The following ENTREP2 variants were observed in gnomAD, a reference collection of about 807,000 sequenced individuals.
The protein encoded by ENTREP2 is protein ENTREP2.
At chr15:29,338,669 C>T in the ENTREP2 span, among the ~76,000 whole-genome samples, 1 of 152,064 alleles carries the variant, frequency 6.6e-6, no homozygotes, top group East Asian at 1.9e-4. Flanking sequence ...TTTCCACCCA[C>T]TCCCTCCTCC....
chr15:29,586,233 A>C, the ENTREP2 span, among the ~76,000 whole-genome samples: 5 of 152,302 alleles, frequency 3.3e-5, no homozygotes, highest in East Asian at 9.7e-4. Context: ...CCACGATTCT[A>C]TTGGTATGAA....
the ENTREP2 span, among the ~76,000 whole-genome samples, chr15:29,127,081 G>C: frequency 0.03 from 4,636 of 152,272 alleles, 108 homozygotes; most frequent in Non-Finnish European, 0.049. Context: ...CTGGCGCTGG[G>C]CCCAGCCACC....
chr15:29,180,351 T>C, the ENTREP2 span, among the ~76,000 whole-genome samples: 1 of 152,182 alleles, frequency 6.6e-6, no homozygotes, highest in Non-Finnish European at 1.5e-5. Context: ...CTGACTACAG[T>C]ACAATTAAAT....
At chr15:29,618,888 G>A in the ENTREP2 span, among the ~76,000 whole-genome samples, 2 of 152,270 alleles carry the variant, frequency 1.3e-5, no homozygotes, top group South Asian at 2.1e-4. Flanking sequence ...CACAGAAGAC[G>A]CTAAGACAAC....
chr15:29,424,459 C>T, the ENTREP2 span, among the ~76,000 whole-genome samples: 164 of 152,288 alleles, frequency 1.1e-3, 1 homozygote, highest in African/African-American at 3.7e-3. Flanking sequence ...TTCTCCAAAT[C>T]CCCACCTGAC....
the ENTREP2 span, among the ~76,000 whole-genome samples, chr15:29,498,214 C>T: frequency 6.6e-6 from 1 of 152,078 alleles, no homozygotes; most frequent in African/African-American, 2.4e-5. Context: ...TGAGGCCTCC[C>T]CAGCCATGTG....
the ENTREP2 span, among the ~76,000 whole-genome samples, chr15:29,246,561 A>T: frequency 6.6e-6 from 1 of 151,800 alleles, no homozygotes; most frequent in Admixed American, 6.6e-5. Flanking sequence ...GTATCTGGGC[A>T]TGGTGGCGGG....
At chr15:29,651,653 C>T in the ENTREP2 span, among the ~76,000 whole-genome samples, 1 of 152,236 alleles carries the variant, frequency 6.6e-6, no homozygotes, top group Non-Finnish European at 1.5e-5. Flanking sequence ...AGCACCCTCT[C>T]TGATCTTGAA....
chr15:29,166,704 G>A, the ENTREP2 span, among the ~76,000 whole-genome samples: 4 of 152,108 alleles, frequency 2.6e-5, no homozygotes, highest in Non-Finnish European at 4.4e-5. Context: ...TCCCAGGCTC[G>A]TGAATGGGTA....
the ENTREP2 span, among the ~76,000 whole-genome samples, chr15:29,490,269 T>G: frequency 1.3e-5 from 2 of 152,160 alleles, no homozygotes; most frequent in Non-Finnish European, 2.9e-5. Flanking sequence ...CTCTCTGGCC[T>G]CAGAAGCAAA....
the ENTREP2 span, among the ~76,000 whole-genome samples, chr15:29,340,090 T>G: frequency 3.9e-5 from 6 of 152,232 alleles, no homozygotes; most frequent in Non-Finnish European, 7.3e-5. Flanking sequence ...TGCTTCCAAG[T>G]TGCTGCAAGA....
the ENTREP2 span, among the ~76,000 whole-genome samples, chr15:29,394,503 A>G: frequency 6.6e-6 from 1 of 152,222 alleles, no homozygotes; most frequent in African/African-American, 2.4e-5. Flanking sequence ...AACAGAATAT[A>G]ATGTCCAGAA....
chr15:29,668,498 G>A, the ENTREP2 span, among the ~76,000 whole-genome samples: 20 of 152,140 alleles, frequency 1.3e-4, no homozygotes, highest in African/African-American at 4.6e-4. Context: ...GCCAAAAGAT[G>A]GAAACCACTC....
chr15:29,272,541 A>G, the ENTREP2 span, among the ~76,000 whole-genome samples: 1 of 152,164 alleles, frequency 6.6e-6, no homozygotes, highest in African/African-American at 2.4e-5. Flanking sequence ...AAAGAGCTTT[A>G]TTTCTCATAA....
chr15:29,291,519 T>C, the ENTREP2 span, among the ~76,000 whole-genome samples: 2 of 152,180 alleles, frequency 1.3e-5, no homozygotes, highest in Non-Finnish European at 2.9e-5. Flanking sequence ...GTGACTCTAA[T>C]TCCTGAGCCC....
chr15:29,319,761 C>T, the ENTREP2 span, among the ~76,000 whole-genome samples: 1 of 152,332 alleles, frequency 6.6e-6, no homozygotes, highest in African/African-American at 2.4e-5. Context: ...CGGCTGAGAT[C>T]TGCTCACCTA....
At chr15:29,527,811 G>T in the ENTREP2 span, among the ~76,000 whole-genome samples, 1 of 152,106 alleles carries the variant, frequency 6.6e-6, no homozygotes, top group Non-Finnish European at 1.5e-5. Flanking sequence ...CAGGGTCCAT[G>T]AATTCAAAGT....
the ENTREP2 span, among the ~76,000 whole-genome samples, chr15:29,474,280 G>A: frequency 1.3e-5 from 2 of 152,092 alleles, no homozygotes; most frequent in Non-Finnish European, 2.9e-5. Context: ...AGGCTGGGGC[G>A]GGGGCCATCC....
At chr15:29,195,208 A>C in the ENTREP2 span, 1 of 985,374 alleles carries the variant, frequency 1.0e-6, no homozygotes. Flanking sequence ...GGACCATCCA[A>C]CTTGGACCAT....
Sources: gnomAD v4.1 joint callset for allele counts (sites outside exome capture counted in the v4.1 genomes callset) on GRCh38, gnomAD v4.1.1 for gene constraint, MANE v1.5 for transcripts, NCBI Gene and HGNC (gene_info 2026-07-23, HGNC 2026-07-21) for gene names.